Variants in CRTC3 observed in about 807,000 individuals in gnomAD.
CRTC3 encodes the protein CREB regulated transcription coactivator 3.
CRTC3 carries 26 observed loss-of-function variants against 74.5 expected under a neutral mutation model. The ratio of observed to expected loss-of-function variants is 0.35; its 90% CI spans 0.26 to 0.48. The LOEUF is 0.48. CRTC3 is among the 20% of genes least tolerant of loss of function. The pLI is 0.99. For missense variants in CRTC3, 760 were observed against 787.3 expected, an observed-to-expected ratio of 0.97 and a Z score of 0.41; for synonymous variants, 377 against 325.8, an observed-to-expected ratio of 1.16 and a Z score of -1.69.
At chr15:90,545,801 A>C (rs1036140207) in intron 2 of CRTC3, among the ~76,000 whole-genome samples, 1 of 151,640 alleles carries the variant, frequency 6.6e-6, no homozygotes, top group Non-Finnish European at 1.5e-5. Context: ...GATGGTCTCC[A>C]TCTCCTGACT....
intron 10 of CRTC3, among the ~76,000 whole-genome samples, chr15:90,628,023 C>G (rs1596140012): frequency 6.6e-6 from 1 of 151,062 alleles, no homozygotes; most frequent in South Asian, 2.1e-4. Context: ...CGAGACCATC[C>G]TGGCTAACAC....
At chr15:90,579,663 A>G (rs1301678139) in intron 2 of CRTC3, among the ~76,000 whole-genome samples, 1 of 89,368 alleles carries the variant, frequency 1.1e-5, no homozygotes, top group Non-Finnish European at 2.0e-5. Flanking sequence ...TTTTTTTGAG[A>G]CAGAGCCTTG....
At chr15:90,598,151 C>A in intron 3 of CRTC3, 2 of 402,224 alleles carry the variant, frequency 5.0e-6, no homozygotes, top group South Asian at 3.1e-5. Context: ...AGTTCCAGAG[C>A]AGGAGAGAAA....
intron 2 of CRTC3, among the ~76,000 whole-genome samples, chr15:90,546,870 G>A (rs553939773): frequency 1.4e-4 from 21 of 152,244 alleles, no homozygotes; most frequent in Middle Eastern, 3.4e-3. Flanking sequence ...TGATCCACCC[G>A]CCTCGGCCTC....
At chr15:90,604,329 C>T in intron 4 of CRTC3, 56 bp from the exon 5 acceptor site, 1 of 1,399,882 alleles carries the variant, frequency 7.1e-7, no homozygotes, top group Non-Finnish European at 1.0e-6. Context: ...CTGAGGCCCT[C>T]CTTTGCTGTC....
At chr15:90,561,723 C>T (rs986611980) in intron 2 of CRTC3, among the ~76,000 whole-genome samples, 1 of 152,190 alleles carries the variant, frequency 6.6e-6, no homozygotes, top group Non-Finnish European at 1.5e-5. Context: ...TTATCTCTAA[C>T]TAGAATTTTA....
chr15:90,570,367 A>G (rs1225211465), intron 2 of CRTC3, among the ~76,000 whole-genome samples: 2 of 151,964 alleles, frequency 1.3e-5, no homozygotes, highest in Non-Finnish European at 2.9e-5. Flanking sequence ...CTTGTATCTC[A>G]TGTGGGTTTC....
At chr15:90,571,409 C>G (rs1054929838) in intron 2 of CRTC3, among the ~76,000 whole-genome samples, 4 of 152,156 alleles carry the variant, frequency 2.6e-5, no homozygotes, top group African/African-American at 9.7e-5. Context: ...GCAAAAGAAG[C>G]TGCATTTGGC....
At chr15:90,532,126 T>C (rs1966637785) in intron 1 of CRTC3, among the ~76,000 whole-genome samples, 1 of 152,202 alleles carries the variant, frequency 6.6e-6, no homozygotes, top group South Asian at 2.1e-4. Flanking sequence ...CAGGGAATCA[T>C]TTACATATTA....
intron 6 of CRTC3, 60 bp from the exon 7 acceptor site, chr15:90,614,393 C>G: frequency 1.6e-6 from 2 of 1,246,210 alleles, no homozygotes; most frequent in Non-Finnish European, 2.3e-6. Flanking sequence ...TTCATAAATT[C>G]ATGAAAATGA....
chr15:90,590,043 T>A (rs1416123466), intron 2 of CRTC3, among the ~76,000 whole-genome samples: 1 of 151,312 alleles, frequency 6.6e-6, no homozygotes, highest in East Asian at 2.0e-4. Flanking sequence ...GTAATCCCAG[T>A]ACTTTGGGAG....
chr15:90,611,581 C>G (rs1023295285), intron 6 of CRTC3, among the ~76,000 whole-genome samples: 4 of 152,142 alleles, frequency 2.6e-5, no homozygotes, highest in Admixed American at 6.6e-5. Context: ...GTCATTGCCA[C>G]CACCATCCTT....
chr15:90,534,959 A>G (rs1421633956), intron 1 of CRTC3, among the ~76,000 whole-genome samples: 1 of 152,162 alleles, frequency 6.6e-6, no homozygotes, highest in Non-Finnish European at 1.5e-5. Context: ...CAGGAGTTTG[A>G]GACCAGCCTG....
intron 3 of CRTC3, among the ~76,000 whole-genome samples, chr15:90,601,625 C>G (rs1224289350): frequency 6.6e-6 from 1 of 151,796 alleles, no homozygotes; most frequent in African/African-American, 2.4e-5. Flanking sequence ...TGCACTCCAG[C>G]CTGGGCCAAA....
At chr15:90,638,895 C>A in intron 13 of CRTC3, 80 bp downstream of exon 13, 3 of 1,186,654 alleles carry the variant, frequency 2.5e-6, no homozygotes, top group Non-Finnish European at 2.5e-6. Flanking sequence ...GAATTCAGAA[C>A]TGAGCAGACC....
At chr15:90,599,756 G>A (rs1350549955) in intron 3 of CRTC3, among the ~76,000 whole-genome samples, 1 of 152,148 alleles carries the variant, frequency 6.6e-6, no homozygotes, top group South Asian at 2.1e-4. Flanking sequence ...AATCACCAGC[G>A]TTTGATGATT....
intron 1 of CRTC3, among the ~76,000 whole-genome samples, chr15:90,532,378 T>G (rs1434585767): frequency 2.0e-5 from 3 of 152,226 alleles, no homozygotes; most frequent in Non-Finnish European, 4.4e-5. Context: ...AGATCCCAGT[T>G]GGAGGAGTAT....
chr15:90,608,612 G>A (rs1968287227), intron 6 of CRTC3, among the ~76,000 whole-genome samples: 1 of 152,174 alleles, frequency 6.6e-6, no homozygotes, highest in East Asian at 1.9e-4. Context: ...TGCAATGCTT[G>A]GCTGCTTTTT....
Position 90,642,309 on chromosome 15 carries a change from C to T in CRTC3, c.*169C>T, listed in dbSNP as rs1596157986. 4 of 622,442 alleles carry T rather than the reference C, an allele frequency of 6.4e-6. No individual in the cohort carries two copies. The East Asian group carries it at 1.1e-4, about 17-fold the overall frequency. The allele number at this position is 622,442 out of a possible 1,614,324, so 38.6% of individuals were successfully genotyped here. On this transcript the variant is annotated 3_prime_UTR_variant, in exon 15 of 15. Coordinates refer to ENST00000268184, the MANE Select transcript of CRTC3 (RefSeq NM_022769.5). Reference sequence around the variant, plus strand: ...CCATCTCAGACACTGTGGCTTCCTCCAGATCACACAGCTTTGTACTGCCTC... The same window carrying T: ...CCATCTCAGACACTGTGGCTTCCTCTAGATCACACAGCTTTGTACTGCCTC...
Sources: gnomAD v4.1 joint callset for allele counts (sites outside exome capture counted in the v4.1 genomes callset) on GRCh38, gnomAD v4.1.1 for gene constraint, MANE v1.5 for transcripts, NCBI Gene and HGNC (gene_info 2026-07-23, HGNC 2026-07-21) for gene names.